WLS: variants seen among roughly 807,000 people sequenced by gnomAD.
The protein encoded by WLS is protein wntless homolog.
In WLS, 23 loss-of-function variants were observed where a neutral mutation model predicts 62.8. The observed-to-expected ratio is 0.37, with a 90% CI of 0.26 to 0.52. WLS has a LOEUF of 0.52. Ranked by LOEUF, WLS falls within the 20% of genes least tolerant of loss-of-function variation. WLS has a pLI of 0.92. For missense variants in WLS, 615 were observed against 697.3 expected (o/e 0.88, Z 1.33); for synonymous variants, 246 against 244.1 (o/e 1.01, Z -0.07).
intron 2 of WLS, among the ~76,000 whole-genome samples, chr1:68,189,734 T>C (rs1648180847): frequency 6.6e-6 from 1 of 152,236 alleles, no homozygotes; most frequent in South Asian, 2.1e-4. Flanking sequence ...ACTGTTTTAA[T>C]AGTACTTACT....
Position 68,196,797 on chromosome 1 carries a change from C to T in WLS, c.107-2570G>A, listed in dbSNP as rs561470366. Reference sequence around the variant, plus strand: ...TTCTTTAAAACTCAAAACTGTATCACGAAGACCTCACATCTAATCCATCTA... The same window carrying T: ...TTCTTTAAAACTCAAAACTGTATCATGAAGACCTCACATCTAATCCATCTA... On this transcript the variant is annotated intron_variant, in intron 1 of 11. Transcript: ENST00000262348. 3.9e-5 allele frequency among the ~76,000 whole-genome samples: 6 copies of T among 152,218 alleles called. No homozygotes were observed. The South Asian group carries it at 8.3e-4, about 21-fold the overall frequency.
intron 1 of WLS, among the ~76,000 whole-genome samples, chr1:68,231,363 G>A (rs1650410726): frequency 6.6e-6 from 1 of 152,138 alleles, no homozygotes; most frequent in Non-Finnish European, 1.5e-5. Flanking sequence ...TGGGAGCTGA[G>A]GGCGCTCTCC....
intron 1 of WLS, among the ~76,000 whole-genome samples, chr1:68,226,625 T>C (rs182865215): frequency 6.6e-6 from 1 of 152,178 alleles, no homozygotes; most frequent in Non-Finnish European, 1.5e-5. Flanking sequence ...AAATCTTTTG[T>C]TGTAAACTTA....
chr1:68,103,087 C>T (rs1047262615), intron 11 of WLS, among the ~76,000 whole-genome samples: 6 of 152,218 alleles, frequency 3.9e-5, no homozygotes, highest in Non-Finnish European at 5.9e-5. Context: ...TGCTGCCTCC[C>T]TGCCTAGCGC....
intron 2 of WLS, among the ~76,000 whole-genome samples, chr1:68,182,634 G>A (rs1359296992): frequency 6.6e-6 from 1 of 152,116 alleles, no homozygotes; most frequent in Admixed American, 6.5e-5. Flanking sequence ...GACTGGCCAT[G>A]TAAGCCCATC....
rs1208787795 is a variant in WLS at position 68,126,267 on chromosome 1, T to A, written c.1585A>T (p.Thr529Ser). 6.2e-7 allele frequency: 1 copy of A among 1,614,008 alleles called. No individual in the cohort carries two copies. Among genetic ancestry groups the A allele is most frequent in the African/African-American group, 1.3e-5 (1 of 74,918 alleles). The part of the protein sequence containing the change: ...TTTITHVDGP[T>S]EIYKLTRKEA... Reference sequence around the variant, plus strand: ...TTGCGGGTCAACTTGTAGATCTCAGTGGGTCCGTCCACATGGGTGATAGTG... The same window carrying A: ...TTGCGGGTCAACTTGTAGATCTCAGAGGGTCCGTCCACATGGGTGATAGTG... Residue 529 changes from threonine to serine, a missense_variant, in exon 12 of 12, where the codon ACT (threonine) becomes TCT (serine). Transcript: ENST00000262348.
At chr1:68,141,842 T>C (rs186040716) in intron 10 of WLS, 3 of 152,280 alleles carry the variant, frequency 2.0e-5, no homozygotes, top group East Asian at 3.9e-4. Context: ...CTGAGAGTTA[T>C]GCCGGAAAAC....
intron 11 of WLS, among the ~76,000 whole-genome samples, chr1:68,116,275 C>A (rs1278048270): frequency 6.6e-6 from 1 of 152,166 alleles, no homozygotes; most frequent in Non-Finnish European, 1.5e-5. Flanking sequence ...CAGCAGGGCC[C>A]GTGTAAGCAT....
rs754851741 is a variant in WLS at position 68,193,943 on chromosome 1, A to G, written c.379+12T>C. 1.1e-5 allele frequency: 18 copies of G among 1,610,144 alleles called. No individual in the cohort carries two copies. The highest frequency in any genetic ancestry group is 2.7e-5 in the African/African-American group (2 of 74,882). On this transcript the variant is annotated intron_variant, in intron 2 of 11. Transcript: ENST00000262348. Reference sequence around the variant, plus strand: ...AAAGGGAAGAAAGGGATGAGAGGAGAGTACACTTAACTGATTTGGTTGTTT... The same window carrying G: ...AAAGGGAAGAAAGGGATGAGAGGAGGGTACACTTAACTGATTTGGTTGTTT...
chr1:68,223,974 A>T (rs569469464), intron 1 of WLS, among the ~76,000 whole-genome samples: 1 of 152,368 alleles, frequency 6.6e-6, no homozygotes, highest in African/African-American at 2.4e-5. Context: ...AACCATTTAC[A>T]GACTTATTAT....
chr1:68,203,251 T>G (rs1649123550), intron 1 of WLS, among the ~76,000 whole-genome samples: 1 of 152,232 alleles, frequency 6.6e-6, no homozygotes, highest in South Asian at 2.1e-4. Context: ...GTCTCATCAG[T>G]AAATAGAGTT....
chr1:68,185,907 T>G (rs1253978667), intron 2 of WLS, among the ~76,000 whole-genome samples: 1 of 152,180 alleles, frequency 6.6e-6, no homozygotes. Flanking sequence ...GACTCAATCT[T>G]TAGGCCTCTT....
At chr1:68,140,168 A>T (rs905316550) in intron 10 of WLS, among the ~76,000 whole-genome samples, 3 of 152,222 alleles carry the variant, frequency 2.0e-5, no homozygotes. Flanking sequence ...CATTCAACAC[A>T]TGGGTAAACT....
At chr1:68,100,436 A>G (rs1358796198) in intron 11 of WLS, among the ~76,000 whole-genome samples, 1 of 152,208 alleles carries the variant, frequency 6.6e-6, no homozygotes, top group African/African-American at 2.4e-5. Context: ...AGAGCAAAGA[A>G]TAAATCAGGT....
chr1:68,153,772 G>C (rs919511042), intron 4 of WLS, 119 bp from the exon 5 acceptor site: 1 of 1,351,192 alleles, frequency 7.4e-7, no homozygotes, highest in African/African-American at 1.4e-5. Flanking sequence ...TCACGATCAA[G>C]AGCTTTCACA....
intron 2 of WLS, among the ~76,000 whole-genome samples, chr1:68,165,839 G>T (rs2820492): frequency 0.21 from 32,541 of 152,126 alleles, 3,947 homozygotes; most frequent in East Asian, 0.36. Flanking sequence ...TTAACAGTTT[G>T]CTGGCCTGAT....
chr1:68,170,171 T>TC (rs796395496), intron 2 of WLS, among the ~76,000 whole-genome samples: 1 of 145,456 alleles, frequency 6.9e-6, no homozygotes, highest in Admixed American at 6.9e-5. Context: ...TTTTTTTTTT[T>TC]TTTTTTTTTT....
chr1:68,116,264 T>C (rs2435841), intron 11 of WLS, among the ~76,000 whole-genome samples: 13,439 of 152,204 alleles, frequency 0.088, 902 homozygotes, highest in East Asian at 0.36. Flanking sequence ...GGGACAACAA[T>C]CAGCAGGGCC....
At chr1:68,186,766 A>G (rs1450524560) in intron 2 of WLS, 2 of 428,512 alleles carry the variant, frequency 4.7e-6, no homozygotes, top group Admixed American at 2.7e-5. Flanking sequence ...ATACTAAAAC[A>G]TGTGTGTATA....
Sources: gnomAD v4.1 joint callset for allele counts (sites outside exome capture counted in the v4.1 genomes callset) on GRCh38, gnomAD v4.1.1 for gene constraint, MANE v1.5 for transcripts, NCBI Gene and HGNC (gene_info 2026-07-23, HGNC 2026-07-21) for gene names.